KCNJ1: variants seen among roughly 807,000 people sequenced by gnomAD.
KCNJ1 encodes potassium inwardly rectifying channel subfamily J member 1, also known as ATP-sensitive inward rectifier potassium channel 1.
In KCNJ1, 24 loss-of-function variants were observed where a neutral mutation model predicts 21.9. The observed-to-expected ratio is 1.10, with a 90% CI of 0.79 to 1.54. The LOEUF is 1.54. KCNJ1 is among the 40% of genes most tolerant of loss of function. The pLI, the probability that KCNJ1 is intolerant of heterozygous loss-of-function variation, is 0.00. For synonymous variants in KCNJ1, 152 were observed against 160.9 expected, an observed-to-expected ratio of 0.94 and a Z score of 0.42; for missense variants, 457 against 455.4, an observed-to-expected ratio of 1.00 and a Z score of -0.03.
In KCNJ1 at chr11:128,839,660, G is replaced by C. The variant is rs104894246; in HGVS notation, c.584C>G (p.Ala195Gly). The change falls in exon 3 of 3, where the codon GCT becomes GGT. Residue 195 changes from alanine to glycine, a missense_variant. Coordinates refer to ENST00000392666, the MANE Select transcript of KCNJ1 (RefSeq NM_153766.3). ...GGKLCLLIRV[A>G]NLRKSLLIGS... is the part of the protein sequence containing the mutation. Reference sequence around the variant, plus strand: ...AATAAGAAGGCTCTTCCTGAGATTAGCCACTCGGATTAGGAGGCAAAGCTT... The same window carrying C: ...AATAAGAAGGCTCTTCCTGAGATTACCCACTCGGATTAGGAGGCAAAGCTT... 2 of 1,613,472 alleles carry C rather than the reference G, an allele frequency of 1.2e-6. No individual in the cohort carries two copies. Among genetic ancestry groups the C allele is most frequent in the African/African-American group, 2.7e-5 (2 of 74,918 alleles).
At chr11:128,843,726 T>C (rs974662151) in intron 2 of KCNJ1, among the ~76,000 whole-genome samples, 1 of 152,244 alleles carries the variant, frequency 6.6e-6, no homozygotes, top group African/African-American at 2.4e-5. Flanking sequence ...GCAAACATAC[T>C]TCAACTGGCA....
intron 2 of KCNJ1, among the ~76,000 whole-genome samples, chr11:128,843,126 ATTC>A (rs1418453130): frequency 6.6e-6 from 1 of 152,254 alleles, no homozygotes; most frequent in Non-Finnish European, 1.5e-5. Flanking sequence ...GAGAGGGATT[ATTC>A]TTAGAGAATG....
intron 1 of KCNJ1, among the ~76,000 whole-genome samples, chr11:128,857,798 T>C (rs921766098): frequency 4.6e-5 from 7 of 152,148 alleles, no homozygotes; most frequent in Non-Finnish European, 7.4e-5. Flanking sequence ...CCTGGGAGCA[T>C]TGTCCCCATC....
At position 128,867,240 on chromosome 11, in the gene KCNJ1, A is replaced by T. The variant is rs964045013; in HGVS notation, c.-259T>A. 1 of 152,130 alleles carries T rather than the reference A, an allele frequency of 6.6e-6. No homozygotes were observed. Among genetic ancestry groups the T allele is most frequent in the Non-Finnish European group, 1.5e-5 (1 of 68,030 alleles). 9.4% of individuals were successfully genotyped at this position (152,130 alleles called of 1,614,324 possible). A position where few individuals can be genotyped will look rare whatever the true frequency, so the allele number is the denominator to read the frequency against. ...TCTTGGTCTCCAAGAAAGCAACCAG[A>T]TTCTCGATGTGAGCAAGTCCCTGCA... On this transcript the variant is annotated 5_prime_UTR_variant, in exon 1 of 3. Coordinates refer to ENST00000392666, the MANE Select transcript of KCNJ1 (RefSeq NM_153766.3).
intron 1 of KCNJ1, among the ~76,000 whole-genome samples, chr11:128,853,736 C>T (rs749085288): frequency 9.2e-5 from 14 of 152,188 alleles, no homozygotes; most frequent in Non-Finnish European, 1.6e-4. Context: ...GACCGACTTC[C>T]CCTCAACTCT....
rs918300678 is a variant in KCNJ1 at position 128,842,353 on chromosome 11, G to C, written c.-21-2089C>G. ...GAAACATTATCTGCCTGGCTTTCCA[G>C]AGAGGTGATTTCCCCAGCCTCCACT... is the stretch of plus-strand genomic sequence containing the variant. On this transcript the variant is annotated intron_variant, in intron 2 of 2. Coordinates refer to ENST00000392666, the MANE Select transcript of KCNJ1 (RefSeq NM_153766.3). The C allele has an allele frequency of 7.4e-6, 12 of 1,612,976 alleles. No homozygotes were observed. The Admixed American group carries it at 1.5e-4, about 20-fold the overall frequency.
Position 128,856,372 on chromosome 11 carries a change from G to C in KCNJ1, c.-191-5482C>G, listed in dbSNP as rs546302427. Among the ~76,000 whole-genome samples the C allele has an allele frequency of 3.8e-4, 58 of 152,340 alleles. No individual in the cohort carries two copies. In the Middle Eastern group the frequency reaches 0.014, roughly 36 times the overall value. On this transcript the variant is annotated intron_variant, in intron 1 of 2. Transcript: ENST00000392666. ...CAGGGCTTGGTGATGGATGCCTGGC[G>C]TGATCCTTTCTCTGGAAGCTCTTGG...
At chr11:128,860,247 C>T (rs1943679466) in intron 1 of KCNJ1, among the ~76,000 whole-genome samples, 1 of 152,214 alleles carries the variant, frequency 6.6e-6, no homozygotes, top group South Asian at 2.1e-4. Flanking sequence ...ACTATAGAAA[C>T]ATGACTTGGA....
chr11:128,863,675 T>A (rs1395074247), intron 1 of KCNJ1, among the ~76,000 whole-genome samples: 1 of 152,190 alleles, frequency 6.6e-6, no homozygotes, highest in Non-Finnish European at 1.5e-5. Context: ...ATGCTCTGGT[T>A]TTAAATGGAA....
intron 2 of KCNJ1, among the ~76,000 whole-genome samples, chr11:128,846,659 G>A (rs190002332): frequency 3.9e-5 from 6 of 152,310 alleles, no homozygotes; most frequent in African/African-American, 1.4e-4. Context: ...GGAGAGGTGG[G>A]AACAGGATAG....
chr11:128,845,602 CTGT>C (rs756240286), intron 2 of KCNJ1, among the ~76,000 whole-genome samples: 23 of 152,200 alleles, frequency 1.5e-4, no homozygotes, highest in Non-Finnish European at 2.8e-4. Context: ...CATTTCCCTT[CTGT>C]TCGGTAATGC....
At chr11:128,862,443 C>T (rs1430236105) in intron 1 of KCNJ1, among the ~76,000 whole-genome samples, 1 of 152,212 alleles carries the variant, frequency 6.6e-6, no homozygotes, top group African/African-American at 2.4e-5. Flanking sequence ...CCCTTCTCCA[C>T]TCCCTCTGAG....
chr11:128,855,193 T>A (rs1943565024), intron 1 of KCNJ1, among the ~76,000 whole-genome samples: 1 of 152,230 alleles, frequency 6.6e-6, no homozygotes, highest in Non-Finnish European at 1.5e-5. Context: ...CTTTTCTTTT[T>A]TGTTGTTTTG....
In KCNJ1 at chr11:128,851,759, C is replaced by T. The variant is rs149172346; in HGVS notation, c.-191-869G>A. ...AATGTACACTTTGTTTTAAAGAAAA[C>T]ATATAGGATGCCCAACCTTGACAAT... On this transcript the variant is annotated intron_variant, in intron 1 of 2. Transcript: ENST00000392666. Among the ~76,000 whole-genome samples the T allele has an allele frequency of 2.5e-4, 38 of 152,282 alleles. No individual in the cohort carries two copies. The South Asian group carries it at 7.0e-3, about 28-fold the overall frequency.
intron 1 of KCNJ1, among the ~76,000 whole-genome samples, chr11:128,864,617 C>G (rs1943784687): frequency 6.6e-6 from 1 of 152,150 alleles, no homozygotes; most frequent in African/African-American, 2.4e-5. Flanking sequence ...TTGGGAAAGC[C>G]TAGGCCCTTT....
At chr11:128,840,499 G>A (rs965099659) in intron 2 of KCNJ1, among the ~76,000 whole-genome samples, 9 of 151,478 alleles carry the variant, frequency 5.9e-5, no homozygotes, top group Admixed American at 4.6e-4. Flanking sequence ...CAGAGAGCTA[G>A]AAATGAAGAC....
rs1275072440 is a variant in KCNJ1 at position 128,839,069 on chromosome 11, C to T, written c.*56G>A. ...CTAAATTGTTGACTGCTTCATAATG[C>T]TTCTAGGTACTAGGAGCTTTAGAGA... is the stretch of plus-strand genomic sequence containing the variant. On this transcript the variant is annotated 3_prime_UTR_variant, in exon 3 of 3. Transcript: ENST00000392666. 4.0e-6 allele frequency: 6 copies of T among 1,508,604 alleles called. No individual in the cohort carries two copies. The highest frequency in any genetic ancestry group is 2.7e-5 in the African/African-American group (2 of 72,902). 93.5% of individuals were successfully genotyped at this position (1,508,604 alleles called of 1,614,324 possible). A position where few individuals can be genotyped will look rare whatever the true frequency, so the allele number is the denominator to read the frequency against.
At chr11:128,844,778 G>A (rs566065397) in intron 2 of KCNJ1, among the ~76,000 whole-genome samples, 16 of 152,060 alleles carry the variant, frequency 1.1e-4, no homozygotes, top group Non-Finnish European at 1.6e-4. Context: ...AGGGGAAAGG[G>A]AAAATAGGCA....
At chr11:128,846,238 A>T (rs180993752) in intron 2 of KCNJ1, among the ~76,000 whole-genome samples, 1 of 152,306 alleles carries the variant, frequency 6.6e-6, no homozygotes, top group East Asian at 1.9e-4. Flanking sequence ...ACCTTTGCTG[A>T]TACAGGTGAG....
Sources: gnomAD v4.1 joint callset for allele counts (sites outside exome capture counted in the v4.1 genomes callset) on GRCh38, gnomAD v4.1.1 for gene constraint, MANE v1.5 for transcripts, NCBI Gene and HGNC (gene_info 2026-07-23, HGNC 2026-07-21) for gene names.